FRAS1: variants seen among roughly 807,000 people sequenced by gnomAD.
The protein encoded by FRAS1 is Fraser extracellular matrix complex subunit 1.
Under a neutral mutation model 435.2 loss-of-function variants are expected in FRAS1, and 290 were observed. The ratio of observed to expected loss-of-function variants is 0.67; its 90% CI spans 0.61 to 0.73. The LOEUF is 0.73. Among genes scored for constraint, FRAS1 ranks in the 30% least tolerant of loss-of-function variants. FRAS1 has a pLI of 0.00. For synonymous variants in FRAS1, 1,800 were observed against 1,851.0 expected (o/e 0.97, Z 0.71); for missense variants, 4,860 against 5,001.5 (o/e 0.97, Z 0.85).
intron 18 of FRAS1, among the ~76,000 whole-genome samples, chr4:78,326,355 G>C (rs1345016345): frequency 6.6e-6 from 1 of 152,118 alleles, no homozygotes; most frequent in Non-Finnish European, 1.5e-5. Context: ...TAGAAGATTA[G>C]GATAACTCCA....
intron 2 of FRAS1, among the ~76,000 whole-genome samples, chr4:78,087,457 T>G (rs1477517420): frequency 6.6e-6 from 1 of 152,148 alleles, no homozygotes; most frequent in Non-Finnish European, 1.5e-5. Flanking sequence ...ATAAAGGGTA[T>G]TCAATTAGGA....
At chr4:78,438,845 G>C in intron 39 of FRAS1, 57 bp from the exon 40 acceptor site, 1 of 1,541,194 alleles carries the variant, frequency 6.5e-7, no homozygotes, top group Non-Finnish European at 8.8e-7. Flanking sequence ...AGATGCTGCT[G>C]TCTTACCTGG....
intron 47 of FRAS1, among the ~76,000 whole-genome samples, chr4:78,459,282 A>G (rs1411568828): frequency 6.6e-6 from 1 of 152,218 alleles, no homozygotes; most frequent in African/African-American, 2.4e-5. Flanking sequence ...TCCCTTCAAC[A>G]AACACTTACT....
chr4:78,239,234 A>C (rs1724897926), intron 3 of FRAS1, among the ~76,000 whole-genome samples: 1 of 152,126 alleles, frequency 6.6e-6, no homozygotes, highest in South Asian at 2.1e-4. Context: ...GGTAAATGGC[A>C]ACCCCATTCT....
intron 31 of FRAS1, among the ~76,000 whole-genome samples, 178 bp from the exon 32 acceptor site, chr4:78,412,791 A>G (rs554517302): frequency 1.3e-5 from 2 of 152,342 alleles, no homozygotes; most frequent in East Asian, 3.9e-4. Context: ...TAAAAGATCA[A>G]TATTAAAATA....
At chr4:78,133,126 C>T (rs1008009402) in intron 2 of FRAS1, among the ~76,000 whole-genome samples, 2 of 152,138 alleles carry the variant, frequency 1.3e-5, no homozygotes, top group Non-Finnish European at 2.9e-5. Flanking sequence ...AAGTGTCCAT[C>T]AACAGATGAA....
chr4:78,248,189 T>A (rs1340274109), intron 4 of FRAS1, among the ~76,000 whole-genome samples: 2 of 152,224 alleles, frequency 1.3e-5, no homozygotes, highest in African/African-American at 4.8e-5. Flanking sequence ...TGCAAGGGTT[T>A]ATTATAGCCA....
chr4:78,062,226 C>A (rs576428227), intron 1 of FRAS1, among the ~76,000 whole-genome samples: 3 of 152,178 alleles, frequency 2.0e-5, no homozygotes, highest in Non-Finnish European at 2.9e-5. Flanking sequence ...GTTGGAGCCT[C>A]ATGCCAAATC....
intron 2 of FRAS1, among the ~76,000 whole-genome samples, chr4:78,097,198 A>G (rs1741855529): frequency 6.6e-6 from 1 of 152,112 alleles, no homozygotes; most frequent in Non-Finnish European, 1.5e-5. Flanking sequence ...CAAGTTTCTC[A>G]TCTCTATCTG....
intron 38 of FRAS1, among the ~76,000 whole-genome samples, chr4:78,438,169 G>A (rs1027587464): frequency 6.6e-6 from 1 of 152,094 alleles, no homozygotes; most frequent in Non-Finnish European, 1.5e-5. Context: ...AACATTCTTA[G>A]AAACTCTAGA....
chr4:78,232,035 C>T (rs917482677), intron 2 of FRAS1, among the ~76,000 whole-genome samples: 3 of 152,070 alleles, frequency 2.0e-5, no homozygotes, highest in African/African-American at 7.2e-5. Context: ...GCAATAGCAA[C>T]ATGGAAAATC....
chr4:78,413,679 G>A (rs1290521647), intron 32 of FRAS1, among the ~76,000 whole-genome samples: 1 of 152,166 alleles, frequency 6.6e-6, no homozygotes, highest in African/African-American at 2.4e-5. Flanking sequence ...TTGCTAAATT[G>A]CAAACAGTTC....
In FRAS1 at chr4:78,511,304, T is replaced by C. The variant is rs1292806135; in HGVS notation, c.9811T>C (p.Phe3271Leu). The C allele has an allele frequency of 1.2e-6, 2 of 1,605,426 alleles. No homozygotes were observed. Among genetic ancestry groups the C allele is most frequent in the Non-Finnish European group, 8.5e-7 (1 of 1,173,336 alleles). ...GGACAGCATTTACTTCAGCCGGAGG[T>C]TCCATGTGCGTTGTGTGGCCAAGGC... ...VLDSIYFSRRFHVRCVAKAVD... is the reference protein window; with the variant it reads ...VLDSIYFSRRLHVRCVAKAVD... The change falls in exon 64 of 74, where the codon TTC becomes CTC. Residue 3271 changes from phenylalanine (F) to leucine (L), a missense_variant. By Grantham distance (22) the Phe-to-Leu change is conservative (BLOSUM62 0). Transcript: ENST00000512123.
chr4:78,094,957 C>T (rs1454669086), intron 2 of FRAS1, among the ~76,000 whole-genome samples: 2 of 152,114 alleles, frequency 1.3e-5, no homozygotes, highest in Admixed American at 6.6e-5. Context: ...TTTAATCTGT[C>T]AAACCAGAAA....
chr4:78,487,528 G>T (rs1720208429), intron 58 of FRAS1, among the ~76,000 whole-genome samples: 1 of 152,114 alleles, frequency 6.6e-6, no homozygotes, highest in African/African-American at 2.4e-5. Context: ...TGACCCAGGA[G>T]GCTTTGACAT....
intron 55 of FRAS1, among the ~76,000 whole-genome samples, chr4:78,478,336 A>G (rs556666316): frequency 1.3e-5 from 2 of 152,242 alleles, no homozygotes; most frequent in Non-Finnish European, 2.9e-5. Context: ...TAAATTATTC[A>G]TGAATCAGTA....
intron 2 of FRAS1, among the ~76,000 whole-genome samples, chr4:78,210,902 A>G (rs1054781468): frequency 6.6e-6 from 1 of 152,134 alleles, no homozygotes; most frequent in Non-Finnish European, 1.5e-5. Flanking sequence ...TGGTTGTGCA[A>G]TGTGGGGAGT....
At chr4:78,308,017 C>T in intron 14 of FRAS1, 49 bp from the exon 15 acceptor site, 1 of 1,530,458 alleles carries the variant, frequency 6.5e-7, no homozygotes, top group Non-Finnish European at 8.8e-7. Flanking sequence ...AAATGATGAC[C>T]AGTCCTTTCT....
At position 78,274,115 on chromosome 4, in the gene FRAS1, G is replaced by C. The variant is rs541144028; in HGVS notation, c.982-4540G>C. Among the ~76,000 whole-genome samples, 3 of 152,292 alleles carry C rather than the reference G, an allele frequency of 2.0e-5. No individual in the cohort carries two copies. The East Asian group carries it at 5.8e-4, about 29-fold the overall frequency. ...GTTTATTTGCATAGAGGTGTTTATA[G>C]TATTCTCTGATGGTAGTTTGTATTT... On this transcript the variant is annotated intron_variant, in intron 9 of 73. Transcript: ENST00000512123.
Sources: gnomAD v4.1 joint callset for allele counts (sites outside exome capture counted in the v4.1 genomes callset) on GRCh38, gnomAD v4.1.1 for gene constraint, MANE v1.5 for transcripts, NCBI Gene and HGNC (gene_info 2026-07-23, HGNC 2026-07-21) for gene names.